The following PTGR2 variants were observed in gnomAD, a reference collection of about 807,000 sequenced individuals.
The protein encoded by PTGR2 is prostaglandin reductase 2.
Under a neutral mutation model 43.4 loss-of-function variants are expected in PTGR2, and 32 were observed. That is an observed-to-expected ratio of 0.74 (90% CI 0.56 to 0.99). The LOEUF (loss-of-function observed/expected upper bound fraction) is 0.99. Among genes scored for constraint, PTGR2 ranks in the 50% least tolerant of loss-of-function variants. PTGR2 has a pLI of 0.00. For missense variants in PTGR2, 373 were observed against 420.0 expected (o/e 0.89, Z 0.98); for synonymous variants, 106 against 139.2 (o/e 0.76, Z 1.68).
At chr14:73,879,429 C>A in intron 6 of PTGR2, 124 bp downstream of exon 6, 1 of 844,208 alleles carries the variant, frequency 1.2e-6, no homozygotes, top group Non-Finnish European at 1.9e-6. Context: ...ATGTGATGAT[C>A]AGTATTGTAT....
intron 3 of PTGR2, among the ~76,000 whole-genome samples, chr14:73,870,158 C>A (rs1224727899): frequency 6.6e-6 from 1 of 151,778 alleles, no homozygotes. Flanking sequence ...CAACGCAAGA[C>A]CCCAACTCTA....
In PTGR2 at chr14:73,860,162, A is replaced by C. The variant is rs556530721; in HGVS notation, c.38-377A>C. Among the ~76,000 whole-genome samples, 272 of 152,042 alleles carry C rather than the reference A, an allele frequency of 1.8e-3. 1 individual carries two copies. In the Middle Eastern group the frequency reaches 0.031, roughly 17 times the overall value. On this transcript the variant is annotated intron_variant, in intron 2 of 9. Coordinates refer to ENST00000555661, the MANE Select transcript of PTGR2 (RefSeq NM_001146154.2). ...ACGCCTGGCCCCTTGTGCCTGTTTT[A>C]AAAGGAACTGTTCTGAATCCTAGAG...
At chr14:73,878,747 G>T (rs569228568) in intron 5 of PTGR2, 11 of 367,658 alleles carry the variant, frequency 3.0e-5, no homozygotes, top group South Asian at 2.6e-4. Flanking sequence ...AGTGTTCTGA[G>T]CATGTTTTAG....
At chr14:73,874,414 G>A (rs997180295) in intron 4 of PTGR2, among the ~76,000 whole-genome samples, 200 bp downstream of exon 4, 7 of 152,046 alleles carry the variant, frequency 4.6e-5, no homozygotes, top group Non-Finnish European at 8.8e-5. Context: ...CTGAAGGTTT[G>A]ATAATTGAGC....
At chr14:73,863,445 G>A (rs567692290) in intron 3 of PTGR2, among the ~76,000 whole-genome samples, 2 of 152,160 alleles carry the variant, frequency 1.3e-5, no homozygotes, top group South Asian at 4.2e-4. Flanking sequence ...CTCTTGAGTA[G>A]CTGAGACCAT....
chr14:73,881,769 ATTCTTTTTTTT>A (rs2054993852), intron 8 of PTGR2, among the ~76,000 whole-genome samples: 1 of 84,864 alleles, frequency 1.2e-5, no homozygotes, highest in East Asian at 4.1e-4. Context: ...GGCCTAGGCT[ATTCTTTTTTTT>A]TTTTTTTTTT....
chr14:73,856,109 C>G (rs147713496), intron 1 of PTGR2, among the ~76,000 whole-genome samples: 77 of 152,024 alleles, frequency 5.1e-4, no homozygotes, highest in Admixed American at 1.2e-3. Flanking sequence ...TTAATAAAGT[C>G]TAAGTAGCCT....
chr14:73,852,184 G>T (rs987014963), intron 1 of PTGR2: 5 of 152,162 alleles, frequency 3.3e-5, no homozygotes, highest in African/African-American at 1.2e-4. Context: ...AATTGTGTTT[G>T]AGGTGCCTCT....
intron 1 of PTGR2, among the ~76,000 whole-genome samples, chr14:73,856,570 C>G (rs1162555261): frequency 6.6e-6 from 1 of 152,082 alleles, no homozygotes; most frequent in Non-Finnish European, 1.5e-5. Context: ...ATCTTTTACC[C>G]CATATTTTTA....
At position 73,881,769 on chromosome 14, in the gene PTGR2, ATTCT is replaced by A. The variant is rs1317674911; in HGVS notation, c.939+480_939+483del. ...GGCTTCAGACATACTGGCCTAGGCT[ATTCT>A]TTTTTTTTTTTTTTTTTTTTTTTTT... On this transcript the variant is annotated intron_variant, in intron 8 of 9. Transcript: ENST00000555661. Among the ~76,000 whole-genome samples the A allele has an allele frequency of 7.3e-4, 62 of 84,896 alleles. 1 individual carries two copies. The highest frequency in any genetic ancestry group is 3.0e-3 in the African/African-American group (61 of 20,142). 55.7% of individuals were successfully genotyped at this position (84,896 alleles called of 152,430 possible).
intron 3 of PTGR2, 75 bp from the exon 4 acceptor site, chr14:73,873,948 T>G: frequency 8.7e-7 from 1 of 1,144,044 alleles, no homozygotes; most frequent in African/African-American, 1.5e-5. Flanking sequence ...CATTATATGC[T>G]TTTAGTCATT....
chr14:73,869,693 A>T (rs919374580), intron 3 of PTGR2, among the ~76,000 whole-genome samples: 2 of 152,068 alleles, frequency 1.3e-5, no homozygotes, highest in African/African-American at 2.4e-5. Flanking sequence ...TCACTTTGGG[A>T]TACTTTCACT....
At chr14:73,877,280 T>G in intron 5 of PTGR2, 112 bp downstream of exon 5, 1 of 1,043,398 alleles carries the variant, frequency 9.6e-7, no homozygotes, top group South Asian at 1.9e-5. Flanking sequence ...GGATAAATTT[T>G]TTTTTTCTTT....
chr14:73,875,999 T>TTAG, intron 4 of PTGR2, among the ~76,000 whole-genome samples: 1 of 151,840 alleles, frequency 6.6e-6, no homozygotes, highest in Non-Finnish European at 1.5e-5. Context: ...TTTTGTATTT[T>TTAG]TAGTAGAGAC....
chr14:73,870,879 G>A (rs1259670703), intron 3 of PTGR2, among the ~76,000 whole-genome samples: 1 of 152,060 alleles, frequency 6.6e-6, no homozygotes, highest in Non-Finnish European at 1.5e-5. Flanking sequence ...TTAGCTATAG[G>A]GAATTACTTG....
At chr14:73,867,109 C>CAAAA (rs1327274286) in intron 3 of PTGR2, among the ~76,000 whole-genome samples, 2 of 117,948 alleles carry the variant, frequency 1.7e-5, no homozygotes, top group South Asian at 5.4e-4. Context: ...AAAAAAAAAA[C>CAAAA]AAAAAAACAA....
rs747725623 is a variant in PTGR2, at chr14:73,877,024, C to T, written c.375C>T (p.His125=). 8 of 1,613,068 alleles carry T rather than the reference C, an allele frequency of 5.0e-6. No individual in the cohort carries two copies. Among genetic ancestry groups the T allele is most frequent in the African/African-American group, 2.7e-5 (2 of 74,846 alleles). ...TAGACCCACAACTTGTGGATGGACA[C>T]CTTTCATATTTTCTTGGAGCTATAG... The part of the protein sequence containing the change: ...EKVDPQLVDG[H]LSYFLGAIGM... Residue 125 remains histidine, a synonymous_variant, in exon 5 of 10, where the codon CAC becomes CAT. Coordinates refer to ENST00000555661, the MANE Select transcript of PTGR2 (RefSeq NM_001146154.2).
At chr14:73,859,115 A>G (rs1331430369) in intron 2 of PTGR2, among the ~76,000 whole-genome samples, 1 of 152,150 alleles carries the variant, frequency 6.6e-6, no homozygotes. Context: ...TTCAAGTGAT[A>G]ACTTATCCAG....
intron 3 of PTGR2, among the ~76,000 whole-genome samples, chr14:73,871,739 G>A (rs2054738905): frequency 6.6e-6 from 1 of 152,132 alleles, no homozygotes; most frequent in South Asian, 2.1e-4. Context: ...TGCTTGGTTG[G>A]TGTATGGGGA....
Sources: gnomAD v4.1 joint callset for allele counts (sites outside exome capture counted in the v4.1 genomes callset) on GRCh38, gnomAD v4.1.1 for gene constraint, MANE v1.5 for transcripts, NCBI Gene and HGNC (gene_info 2026-07-23, HGNC 2026-07-21) for gene names.